The following FANCD2 variants were observed in gnomAD, a reference collection of about 807,000 sequenced individuals.
FANCD2 encodes FA complementation group D2, also known as Fanconi anemia group D2 protein.
FANCD2 carries 131 observed loss-of-function variants against 192.3 expected under a neutral mutation model. The observed-to-expected ratio is 0.68, with a 90% confidence interval of 0.59 to 0.79. FANCD2 has a LOEUF of 0.79. Ranked by LOEUF, FANCD2 falls within the 30% of genes least tolerant of loss-of-function variation. The probability of loss-of-function intolerance (pLI) is 0.00; values close to 1 mark genes in which losing one functional copy is unlikely to be tolerated. For synonymous variants in FANCD2, 524 were observed against 612.5 expected, an observed-to-expected ratio of 0.86 and a Z score of 2.13; for missense variants, 1,508 against 1,701.6, an observed-to-expected ratio of 0.89 and a Z score of 2.00.
intron 7 of FANCD2, among the ~76,000 whole-genome samples, chr3:10,037,146 C>T (rs1304525035): frequency 6.6e-6 from 1 of 151,462 alleles, no homozygotes; most frequent in African/African-American, 2.4e-5. Context: ...TTTTTAATTA[C>T]TATGTTAAGA....
intron 3 of FANCD2, among the ~76,000 whole-genome samples, chr3:10,034,237 A>AT (rs1389608552): frequency 1.4e-5 from 2 of 147,838 alleles, no homozygotes; most frequent in African/African-American, 2.6e-5. Flanking sequence ...AGGCAGGAGA[A>AT]TCATTTGAAC....
At chr3:10,079,568 C>G (rs1456525356) in intron 30 of FANCD2, among the ~76,000 whole-genome samples, 1 of 152,070 alleles carries the variant, frequency 6.6e-6, no homozygotes, top group African/African-American at 2.4e-5. Flanking sequence ...CCTCCCAATC[C>G]GCCCACCTCG....
At chr3:10,065,312 T>C in intron 23 of FANCD2, 82 bp from the exon 24 acceptor site, 1 of 943,724 alleles carries the variant, frequency 1.1e-6, no homozygotes, top group Non-Finnish European at 1.7e-6. Flanking sequence ...GTGTTCCCTA[T>C]GTATGTGGAG....
Position 10,028,710 on chromosome 3 carries a change from A to T in FANCD2, c.53A>T (p.Glu18Val). The change falls in exon 2 of 44, where the codon GAA (glutamate) becomes GTA (valine). Residue 18 changes from glutamate (E) to valine (V), a missense_variant. By Grantham distance (121) the Glu-to-Val change is moderately radical (BLOSUM62 -2). Coordinates refer to ENST00000675286, the MANE Select transcript of FANCD2 (RefSeq NM_001018115.3). ...SKSEDKESLT[E>V]DASKTRKQPL... ...TCTGAGGATAAAGAGAGCCTGACAGAAGATGCCTCCAGTAAGTATCTAGTC... is the reference window on the plus strand; with the variant it reads ...TCTGAGGATAAAGAGAGCCTGACAGTAGATGCCTCCAGTAAGTATCTAGTC... The T allele has an allele frequency of 6.2e-7, 1 of 1,613,874 alleles. No homozygotes were observed. The highest frequency in any genetic ancestry group is 1.7e-4 in the Middle Eastern group (1 of 6,058).
chr3:10,041,919 G>A (rs2086874455), intron 10 of FANCD2, among the ~76,000 whole-genome samples: 1 of 138,382 alleles, frequency 7.2e-6, no homozygotes, highest in Non-Finnish European at 1.5e-5. Flanking sequence ...TTTTTTTTGA[G>A]ACGGAGTATC....
At chr3:10,089,585 C>A (rs1694459947) in intron 36 of FANCD2, among the ~76,000 whole-genome samples, 1 of 152,086 alleles carries the variant, frequency 6.6e-6, no homozygotes, top group Non-Finnish European at 1.5e-5. Context: ...TTCTCCTACC[C>A]CAGCCTTTCA....
intron 3 of FANCD2, among the ~76,000 whole-genome samples, chr3:10,034,200 TG>T (rs2086671881): frequency 7.1e-6 from 1 of 140,684 alleles, no homozygotes; most frequent in Non-Finnish European, 1.5e-5. Flanking sequence ...AAAACGTGTC[TG>T]TAGTCCCAGC....
chr3:10,073,226 G>A (rs755856987), intron 27 of FANCD2, 27 bp from the exon 28 acceptor site: 5 of 1,560,830 alleles, frequency 3.2e-6, no homozygotes, highest in Admixed American at 1.7e-5. Flanking sequence ...AATTACTTGA[G>A]TCACTTTTCT....
chr3:10,074,512 G>T lies in FANCD2; in HGVS notation c.2716-18G>T. On this transcript the variant is annotated intron_variant, in intron 28 of 43. Transcript: ENST00000675286. ...AGAAGATTTATATATTCTCTTTGTT[G>T]CTGTGACTTCCCCATAGGAGTTCAC... 1.2e-6 allele frequency: 2 copies of T among 1,606,554 alleles called. No individual in the cohort carries two copies. The highest frequency in any genetic ancestry group is 1.7e-6 in the Non-Finnish European group (2 of 1,174,220).
At chr3:10,062,246 T>TA in intron 20 of FANCD2, 35 bp downstream of exon 20, 2 of 1,565,900 alleles carry the variant, frequency 1.3e-6, no homozygotes, top group Non-Finnish European at 8.7e-7. Context: ...CTTTTTCCTG[T>TA]CTTTTTTTTT....
At chr3:10,085,970 G>T in intron 33 of FANCD2, 48 bp downstream of exon 33, 1 of 1,323,634 alleles carries the variant, frequency 7.6e-7, no homozygotes, top group Non-Finnish European at 1.1e-6. Context: ...GAAACTCCTA[G>T]GAACAGGATT....
At chr3:10,086,291 T>G (rs1694195805) in intron 33 of FANCD2, among the ~76,000 whole-genome samples, 1 of 152,198 alleles carries the variant, frequency 6.6e-6, no homozygotes. Context: ...TCTTTCCCCT[T>G]GTCTTGTAGG....
At chr3:10,069,462 T>TC (rs1455858567) in intron 26 of FANCD2, among the ~76,000 whole-genome samples, 1 of 121,548 alleles carries the variant, frequency 8.2e-6, no homozygotes, top group Non-Finnish European at 1.6e-5. Flanking sequence ...TTAAGATGCC[T>TC]CTCCCCCTCC....
intron 11 of FANCD2, 95 bp from the exon 12 acceptor site, chr3:10,042,955 T>C (rs2086901839): frequency 2.7e-6 from 3 of 1,129,512 alleles, no homozygotes; most frequent in South Asian, 1.3e-5. Flanking sequence ...TTTTTCTTCC[T>C]CAGTCTTTCA....
At chr3:10,026,785 C>T (rs1048406685) in intron 1 of FANCD2, among the ~76,000 whole-genome samples, 8 of 152,160 alleles carry the variant, frequency 5.3e-5, no homozygotes, top group African/African-American at 2.4e-5. Flanking sequence ...GCCTGGAAGC[C>T]GGACGTGCTG....
intron 20 of FANCD2, 148 bp downstream of exon 20, chr3:10,062,359 G>T: frequency 4.5e-6 from 3 of 667,250 alleles, no homozygotes; most frequent in South Asian, 3.4e-5. Context: ...TCCTGCCTCA[G>T]CCTCCAGAGT....
In FANCD2 at chr3:10,078,235, G is replaced by T. The variant is rs565590258; in HGVS notation, c.2976+38G>T. On this transcript the variant is annotated intron_variant, in intron 30 of 43. Transcript: ENST00000675286. The stretch of plus-strand genomic sequence containing the variant: ...AGAAGCATAGGACTTGGGCATAGTG[G>T]ATTTGGGAACAAAGGAGGTATTATG... 19 of 1,346,180 alleles carry T rather than the reference G, an allele frequency of 1.4e-5. No homozygotes were observed. The South Asian group carries it at 2.1e-4, about 15-fold the overall frequency. 83.4% of individuals were successfully genotyped at this position (1,346,180 alleles called of 1,614,324 possible).
At chr3:10,075,610 T>C (rs938162941) in intron 29 of FANCD2, among the ~76,000 whole-genome samples, 1 of 152,164 alleles carries the variant, frequency 6.6e-6, no homozygotes, top group African/African-American at 2.4e-5. Flanking sequence ...AAAGTAACTT[T>C]TGAGATGGGA....
chr3:10,034,477 C>T lies in FANCD2; in HGVS notation c.214C>T (p.Gln72Ter), dbSNP rs1345163965. The change falls in exon 4 of 44, where the codon CAA (glutamine) becomes TAA (stop). Residue 72 changes from glutamine (Q) to a stop codon, truncating the protein, a stop_gained. Coordinates refer to ENST00000675286, the MANE Select transcript of FANCD2 (RefSeq NM_001018115.3). LOFTEE classifies it high-confidence loss of function. Reference protein sequence around the residue: ...GESQNQLAVDQIAFQKKLFQT... With the variant: ...GESQNQLAVD ...TTCTTTTTTCTGCATAGCTGTGGAT[C>T]AAATAGCTTTCCAAAAGAAGCTCTT... 6.2e-7 allele frequency: 1 copy of T among 1,612,090 alleles called. No individual in the cohort carries two copies. Among genetic ancestry groups the T allele is most frequent in the Admixed American group, 1.7e-5 (1 of 59,982 alleles).
Sources: allele counts gnomAD v4.1 joint callset (sites outside exome capture counted in the v4.1 genomes callset), GRCh38; gene constraint gnomAD v4.1.1; transcripts MANE v1.5; gene names NCBI Gene and HGNC (gene_info 2026-07-23, HGNC 2026-07-21).